The following PIGL variants were observed in gnomAD, a reference collection of about 807,000 sequenced individuals.
PIGL encodes the protein N-acetylglucosaminyl-phosphatidylinositol de-N-acetylase.
A neutral mutation model predicts 31.1 loss-of-function variants in PIGL; 22 were observed. The ratio of observed to expected loss-of-function variants is 0.71; its 90% confidence interval spans 0.51 to 1.01. The LOEUF is 1.01. Among genes scored for constraint, PIGL ranks in the 50% least tolerant of loss-of-function variants. The probability of loss-of-function intolerance (pLI) is 0.00; values close to 1 mark genes in which losing one functional copy is unlikely to be tolerated. For missense variants in PIGL, 302 were observed against 315.9 expected (o/e 0.96, Z 0.33); for synonymous variants, 131 against 117.4 (o/e 1.12, Z -0.75).
At chr17:16,295,966 A>G (rs2092980405) in intron 2 of PIGL, among the ~76,000 whole-genome samples, 1 of 152,140 alleles carries the variant, frequency 6.6e-6, no homozygotes, top group Admixed American at 6.6e-5. Flanking sequence ...AAAATAAAAT[A>G]TTCAGGAGAA....
rs2092949311 is a variant in PIGL at position 16,288,941 on chromosome 17, G to T, written c.336-10947G>T. Among the ~76,000 whole-genome samples, 3 of 152,222 alleles carry T rather than the reference G, an allele frequency of 2.0e-5. 1 individual carries two copies. Among genetic ancestry groups the T allele is most frequent in the East Asian group, 3.8e-4 (2 of 5,196 alleles). On this transcript the variant is annotated intron_variant, in intron 2 of 6. Coordinates refer to ENST00000225609, the MANE Select transcript of PIGL (RefSeq NM_004278.4). ...TTTTATTCTCAGTTCTCTTTTGCTG[G>T]CTTCTTATCAGGAAACACCACCTGA... is the stretch of plus-strand genomic sequence containing the variant.
chr17:16,280,422 C>A (rs1218635450), intron 2 of PIGL, among the ~76,000 whole-genome samples: 1 of 152,168 alleles, frequency 6.6e-6, no homozygotes, highest in Non-Finnish European at 1.5e-5. Flanking sequence ...TCTAATTTAA[C>A]TTGCTGTTCA....
At chr17:16,276,505 G>T (rs562190598) in intron 2 of PIGL, among the ~76,000 whole-genome samples, 12 of 152,330 alleles carry the variant, frequency 7.9e-5, no homozygotes, top group African/African-American at 2.6e-4. Context: ...GGCCAAGGCG[G>T]GTGGATCACC....
rs376491004 is a variant in PIGL, at chr17:16,303,859, C to T, written c.426+3881C>T. 7.0e-4 allele frequency among the ~76,000 whole-genome samples: 107 copies of T among 152,184 alleles called. 1 individual carries two copies. The highest frequency in any genetic ancestry group is 2.4e-3 in the African/African-American group (99 of 41,518). ...CCTCCTGAGTAGCTGGGACTACAGG[C>T]GCCCGCCACCATGCTTGGCTAATTT... On this transcript the variant is annotated intron_variant, in intron 3 of 6. Transcript: ENST00000225609.
At chr17:16,224,661 AT>A (rs939873728) in intron 1 of PIGL, among the ~76,000 whole-genome samples, 13 of 150,890 alleles carry the variant, frequency 8.6e-5, no homozygotes, top group African/African-American at 2.9e-4. Context: ...TCTTGCTGAC[AT>A]TTTTTCCCCC....
chr17:16,307,037 T>C (rs919916898), intron 3 of PIGL, among the ~76,000 whole-genome samples: 4 of 152,236 alleles, frequency 2.6e-5, no homozygotes, highest in Admixed American at 2.6e-4. Context: ...GAGAGGGAAA[T>C]GAAAGCGAGA....
intron 2 of PIGL, among the ~76,000 whole-genome samples, chr17:16,266,188 G>A (rs927934259): frequency 1.3e-5 from 2 of 151,918 alleles, no homozygotes; most frequent in East Asian, 3.9e-4. Flanking sequence ...GCTGAGGCAG[G>A]CGGATCACCT....
At chr17:16,292,380 T>C (rs1298414879) in intron 2 of PIGL, among the ~76,000 whole-genome samples, 2 of 142,098 alleles carry the variant, frequency 1.4e-5, no homozygotes, top group Admixed American at 1.4e-4. Flanking sequence ...CTATAAAATG[T>C]ACAAATCTTT....
chr17:16,321,070 T>C (rs2093103537), intron 6 of PIGL, among the ~76,000 whole-genome samples: 1 of 151,490 alleles, frequency 6.6e-6, no homozygotes, highest in Non-Finnish European at 1.5e-5. Flanking sequence ...CTCAAGTAAC[T>C]GGGACTACAG....
intron 1 of PIGL, among the ~76,000 whole-genome samples, chr17:16,228,829 G>T (rs76424514): frequency 0.01 from 1,525 of 152,198 alleles, 26 homozygotes; most frequent in African/African-American, 0.035. Context: ...CCAAGCCTCT[G>T]GTAACCACCA....
Position 16,326,216 on chromosome 17 carries a change from C to A in PIGL, c.*318C>A, listed in dbSNP as rs146448001. The A allele has an allele frequency of 1.3e-4, 37 of 292,846 alleles. No individual in the cohort carries two copies. In the East Asian group the frequency reaches 2.2e-3, roughly 18 times the overall value. 18.1% of individuals were successfully genotyped at this position (292,846 alleles called of 1,614,324 possible). ...ACCTAGCCCAGTGCCTGGGCAGGTC[C>A]CTATTATCATAAATGAACATAAAAG... On this transcript the variant is annotated 3_prime_UTR_variant, in exon 7 of 7. Transcript: ENST00000225609.
At chr17:16,297,014 C>A (rs1251636606) in intron 2 of PIGL, among the ~76,000 whole-genome samples, 1 of 152,284 alleles carries the variant, frequency 6.6e-6, no homozygotes, top group East Asian at 1.9e-4. Context: ...GCCACCGTTC[C>A]GGCCCTTTTT....
At chr17:16,251,683 A>G (rs1315019266) in intron 2 of PIGL, among the ~76,000 whole-genome samples, 2 of 150,958 alleles carry the variant, frequency 1.3e-5, no homozygotes, top group Non-Finnish European at 2.9e-5. Context: ...ATCTAGTATG[A>G]TGTTAAAATG....
At chr17:16,243,987 C>T (rs556381529) in intron 2 of PIGL, among the ~76,000 whole-genome samples, 114 of 152,114 alleles carry the variant, frequency 7.5e-4, no homozygotes, top group Non-Finnish European at 1.4e-3. Context: ...TGGTCAGAGA[C>T]GAAATCATGG....
intron 6 of PIGL, 30 bp downstream of exon 6, chr17:16,317,938 A>G (rs759829716): frequency 6.5e-7 from 1 of 1,548,384 alleles, no homozygotes; most frequent in African/African-American, 1.7e-5. Flanking sequence ...GGACACCCCA[A>G]CTCAGATCCC....
At chr17:16,275,148 A>T (rs955605471) in intron 2 of PIGL, among the ~76,000 whole-genome samples, 2 of 152,208 alleles carry the variant, frequency 1.3e-5, no homozygotes, top group Non-Finnish European at 2.9e-5. Flanking sequence ...TATACTCTAA[A>T]CAAGGGCTGG....
At chr17:16,324,570 G>A (rs1030476251) in intron 6 of PIGL, among the ~76,000 whole-genome samples, 3 of 152,062 alleles carry the variant, frequency 2.0e-5, no homozygotes, top group African/African-American at 7.2e-5. Flanking sequence ...TGTTGGTCAG[G>A]CTGGTCTCGA....
chr17:16,308,972 G>T (rs1356325745), intron 3 of PIGL, among the ~76,000 whole-genome samples: 2 of 151,964 alleles, frequency 1.3e-5, no homozygotes, highest in African/African-American at 2.4e-5. Context: ...ATTTCTTTCT[G>T]TAAAGACAAG....
chr17:16,230,097 G>A (rs1262117851), intron 1 of PIGL, among the ~76,000 whole-genome samples: 1 of 151,990 alleles, frequency 6.6e-6, no homozygotes, highest in Non-Finnish European at 1.5e-5. Context: ...TCTTGACCTC[G>A]TGATCCACCT....
Sources: allele counts gnomAD v4.1 joint callset (sites outside exome capture counted in the v4.1 genomes callset), GRCh38; gene constraint gnomAD v4.1.1; transcripts MANE v1.5; gene names NCBI Gene and HGNC (gene_info 2026-07-23, HGNC 2026-07-21).